SNAP47: variants seen among roughly 807,000 people sequenced by gnomAD.
SNAP47 encodes the protein synaptosome associated protein 47, also known as synaptosomal-associated protein 47.
Under a neutral mutation model 31.4 loss-of-function variants are expected in SNAP47, and 20 were observed. The observed-to-expected ratio is 0.64, with a 90% CI of 0.45 to 0.93. SNAP47 has a LOEUF of 0.93. SNAP47 is among the 40% of genes least tolerant of loss of function. The pLI is 0.00. For synonymous variants in SNAP47, 194 were observed against 213.4 expected, an observed-to-expected ratio of 0.91 and a Z score of 0.79; for missense variants, 492 against 528.5, an observed-to-expected ratio of 0.93 and a Z score of 0.68.
chr1:227,737,582 C>T (rs190185918), intron 1 of SNAP47, among the ~76,000 whole-genome samples: 14 of 152,282 alleles, frequency 9.2e-5, no homozygotes, highest in African/African-American at 9.6e-5. Context: ...GTTTTATTTA[C>T]TCTTATAAGT....
At chr1:227,736,828 A>G (rs370121627) in intron 1 of SNAP47, among the ~76,000 whole-genome samples, 11 of 151,540 alleles carry the variant, frequency 7.3e-5, no homozygotes, top group African/African-American at 2.4e-4. Flanking sequence ...GGCCCTGCCT[A>G]GAGGTTTTGT....
In SNAP47 at chr1:227,763,331, G is replaced by A. The variant is rs1441277426; in HGVS notation, c.989-3628G>A. On this transcript the variant is annotated intron_variant, in intron 3 of 4. Transcript: ENST00000617596. This position sits in a 1 kb window ranked among gnomAD's most constrained non-coding sequence, Gnocchi z 4.2. ...ACTGCCTGTCTTGGGGGTAAGGCCTGCCTGGGCTTCCAGCTCCCTGATGAC... is the reference window on the plus strand; with the variant it reads ...ACTGCCTGTCTTGGGGGTAAGGCCTACCTGGGCTTCCAGCTCCCTGATGAC... 6.6e-6 allele frequency among the ~76,000 whole-genome samples: 1 copy of A among 152,202 alleles called. No individual in the cohort carries two copies. Among genetic ancestry groups the A allele is most frequent in the Non-Finnish European group, 1.5e-5 (1 of 68,040 alleles).
intron 1 of SNAP47, among the ~76,000 whole-genome samples, chr1:227,735,959 T>C (rs1293751693): frequency 7.0e-6 from 1 of 142,924 alleles, no homozygotes; most frequent in Non-Finnish European, 1.5e-5. Context: ...GAGAGGACGG[T>C]GGGGACCTGG....
intron 4 of SNAP47, among the ~76,000 whole-genome samples, chr1:227,769,866 C>G (rs773704604): frequency 6.6e-6 from 1 of 152,304 alleles, no homozygotes; most frequent in Admixed American, 6.5e-5. Context: ...AGGGCAGTTC[C>G]CTGGGACACT....
At chr1:227,776,159 C>T (rs1252638176) in intron 4 of SNAP47, 1 of 1,154,672 alleles carries the variant, frequency 8.7e-7, no homozygotes. Flanking sequence ...ACAAGCCGCT[C>T]AGGACCACAG....
chr1:227,738,809 G>T (rs1258981247), intron 1 of SNAP47, among the ~76,000 whole-genome samples: 1 of 152,168 alleles, frequency 6.6e-6, no homozygotes, highest in Non-Finnish European at 1.5e-5. Flanking sequence ...ATTCAGGTGG[G>T]CATTGCCTGG....
chr1:227,750,640 T>C (rs1200151209), intron 2 of SNAP47, among the ~76,000 whole-genome samples: 1 of 152,060 alleles, frequency 6.6e-6, no homozygotes, highest in Non-Finnish European at 1.5e-5. Context: ...GGGGTGTCCC[T>C]GGGCTGGACC....
chr1:227,750,439 G>A (rs1389940831), intron 2 of SNAP47, among the ~76,000 whole-genome samples: 1 of 152,266 alleles, frequency 6.6e-6, no homozygotes, highest in South Asian at 2.1e-4. Flanking sequence ...TCACAGACAC[G>A]TGCAGAGTAG....
At chr1:227,730,924 G>C (rs1015321484), upstream of SNAP47, 1 of 152,294 alleles carries the variant, frequency 6.6e-6, no homozygotes, top group African/African-American at 2.4e-5. Context: ...GTGTGGCAGG[G>C]TGCCAAGAGG....
At chr1:227,738,299 C>T (rs945596304) in intron 1 of SNAP47, among the ~76,000 whole-genome samples, 7 of 152,314 alleles carry the variant, frequency 4.6e-5, no homozygotes, top group African/African-American at 1.7e-4. Context: ...CTCGGCCTCC[C>T]AAAGTGCTGG....
rs541121578 is a variant in SNAP47, at chr1:227,743,173, G to A, written c.-45-4519G>A. On this transcript the variant is annotated intron_variant, in intron 1 of 4. Coordinates refer to ENST00000617596, the MANE Select transcript of SNAP47 (RefSeq NM_053052.4). ...GGTGCAGTGAGATACCTGCTGCCTA[G>A]GGCTCCCTCTGGCCTCCTCCTGGTG... Among the ~76,000 whole-genome samples, 24 of 152,204 alleles carry A rather than the reference G, an allele frequency of 1.6e-4. No individual in the cohort carries two copies. In the South Asian group the frequency reaches 4.4e-3, roughly 28 times the overall value.
At chr1:227,777,287 G>A (rs1325912488) in intron 4 of SNAP47, 3 of 235,958 alleles carry the variant, frequency 1.3e-5, no homozygotes, top group Non-Finnish European at 2.1e-5. Context: ...TCTTGGGCAC[G>A]CACCACTCAG....
rs148026878 is a variant in SNAP47 at position 227,774,591 on chromosome 1, C to T, written c.1114-5936C>T. Among the ~76,000 whole-genome samples, 758 of 151,938 alleles carry T rather than the reference C, an allele frequency of 5.0e-3. 8 individuals carry two copies. Among genetic ancestry groups the T allele is most frequent in the African/African-American group, 0.018 (730 of 41,432 alleles). Reference sequence around the variant, plus strand: ...AGAGGCAAGGGGGACCGGGCCGCAGCGCGCAGGGCAGAGCATGAGGTGCCT... The same window carrying T: ...AGAGGCAAGGGGGACCGGGCCGCAGTGCGCAGGGCAGAGCATGAGGTGCCT... On this transcript the variant is annotated intron_variant, in intron 4 of 4. Transcript: ENST00000617596.
At chr1:227,743,682 C>T (rs1414260942) in intron 1 of SNAP47, 1 of 152,318 alleles carries the variant, frequency 6.6e-6, no homozygotes, top group East Asian at 1.9e-4. Flanking sequence ...TCTGTCTGCT[C>T]CCCTGGACCT....
upstream of SNAP47, chr1:227,733,458 T>A: frequency 1.3e-6 from 2 of 1,589,504 alleles, no homozygotes; most frequent in Non-Finnish European, 1.7e-6. Context: ...ACAAACACCA[T>A]CTCGCCCGCT....
Position 227,762,143 on chromosome 1 carries a change from C to G in SNAP47, c.988+2658C>G, listed in dbSNP as rs1481096451. ...CTTGCCATGTGGCACACACAGCACA[C>G]AGTCCCACAGGGACCTGCTGCATGT... is the stretch of plus-strand genomic sequence containing the variant. On this transcript the variant is annotated intron_variant, in intron 3 of 4. Transcript: ENST00000617596. This position sits in a 1 kb window ranked among gnomAD's most constrained non-coding sequence, Gnocchi z 4.2. 1.3e-5 allele frequency among the ~76,000 whole-genome samples: 2 copies of G among 152,234 alleles called. No homozygotes were observed. Among genetic ancestry groups the G allele is most frequent in the African/African-American group, 2.4e-5 (1 of 41,456 alleles).
intron 4 of SNAP47, chr1:227,775,991 A>G: frequency 8.0e-7 from 1 of 1,250,970 alleles, no homozygotes. Context: ...GTGTTGGAGG[A>G]AAGTGGCTTT....
At chr1:227,773,282 T>A (rs1340572949) in intron 4 of SNAP47, among the ~76,000 whole-genome samples, 1 of 151,988 alleles carries the variant, frequency 6.6e-6, no homozygotes, top group Non-Finnish European at 1.5e-5. Flanking sequence ...AAAAAAAGTT[T>A]CAAAAGTAAA....
At chr1:227,754,441 A>G (rs987434671) in intron 2 of SNAP47, among the ~76,000 whole-genome samples, 6 of 152,098 alleles carry the variant, frequency 3.9e-5, no homozygotes, top group African/African-American at 1.4e-4. Context: ...ACCTTCCTCC[A>G]TCTGTCCATC....
Sources: gnomAD v4.1 joint callset for allele counts (sites outside exome capture counted in the v4.1 genomes callset) on GRCh38, gnomAD v4.1.1 for gene constraint, Gnocchi (gnomAD v3.1) non-coding constraint, MANE v1.5 for transcripts, NCBI Gene and HGNC (gene_info 2026-07-23, HGNC 2026-07-21) for gene names.